PGBD5: variants seen among roughly 807,000 people sequenced by gnomAD.
The protein encoded by PGBD5 is piggyBac transposable element-derived protein 5.
PGBD5 carries 14 observed loss-of-function variants against 47.9 expected under a neutral mutation model. That is an observed-to-expected ratio of 0.29 (90% confidence interval 0.19 to 0.46). PGBD5 has a LOEUF of 0.46. Ranked by LOEUF, PGBD5 falls within the 20% of genes least tolerant of loss-of-function variation. The probability of loss-of-function intolerance (pLI) is 1.00; values close to 1 mark genes in which losing one functional copy is unlikely to be tolerated. For synonymous variants in PGBD5, 316 were observed against 306.3 expected, an observed-to-expected ratio of 1.03 and a Z score of -0.33; for missense variants, 635 against 716.0, an observed-to-expected ratio of 0.89 and a Z score of 1.29.
At chr1:230,332,747 G>A in intron 5 of PGBD5, 97 bp downstream of exon 5, 5 of 1,410,110 alleles carry the variant, frequency 3.5e-6, no homozygotes, top group Non-Finnish European at 4.0e-6. Flanking sequence ...GAGCAGCACA[G>A]CCCACAGTGG....
intron 5 of PGBD5, among the ~76,000 whole-genome samples, chr1:230,326,513 C>T (rs1326634122): frequency 1.3e-5 from 2 of 152,158 alleles, no homozygotes; most frequent in African/African-American, 4.8e-5. Context: ...GGCTGAAGTG[C>T]AGTGTCATGA....
chr1:230,333,053 G>A lies in PGBD5; in HGVS notation c.1076-12C>T, dbSNP rs761627330. Reference sequence around the variant, plus strand: ...GCAGCAGTAAATCCCTGAGGGGAGAGGGAGGAAGGATCGCACACTCACCAC... The same window carrying A: ...GCAGCAGTAAATCCCTGAGGGGAGAAGGAGGAAGGATCGCACACTCACCAC... On this transcript the variant is annotated splice_polypyrimidine_tract_variant and intron_variant, in intron 4 of 6. Transcript: ENST00000391860. 5.1e-6 allele frequency: 8 copies of A among 1,580,122 alleles called. No individual in the cohort carries two copies. In the East Asian group the frequency reaches 1.4e-4, roughly 28 times the overall value.
rs944696191 is a variant in PGBD5 at position 230,425,162 on chromosome 1, T to G, written c.331+436A>C. On this transcript the variant is annotated intron_variant, in intron 1 of 6. Transcript: ENST00000391860. This position sits in a 1 kb window ranked among gnomAD's most constrained non-coding sequence, Gnocchi z 4.7. ...TCCTACCTGCCTCGCCCGCGTCACC[T>G]GCTGTAAGGCTTGCTCTTGGGCTGT... Among the ~76,000 whole-genome samples the G allele has an allele frequency of 6.6e-6, 1 of 151,952 alleles. No individual in the cohort carries two copies. Among genetic ancestry groups the G allele is most frequent in the East Asian group, 1.9e-4 (1 of 5,160 alleles).
chr1:230,365,081 A>C (rs1178142778), intron 1 of PGBD5, among the ~76,000 whole-genome samples: 4 of 151,232 alleles, frequency 2.6e-5, no homozygotes, highest in African/African-American at 9.7e-5. Context: ...TGGGAGGCCA[A>C]GGTGGGTGGA....
chr1:230,398,651 G>C (rs558166330), intron 1 of PGBD5, among the ~76,000 whole-genome samples: 1 of 152,260 alleles, frequency 6.6e-6, no homozygotes, highest in East Asian at 1.9e-4. Flanking sequence ...CTTGGGCAAG[G>C]CCCTCTCCCC....
intron 3 of PGBD5, among the ~76,000 whole-genome samples, chr1:230,347,476 CTTTT>C (rs71733326): frequency 8.8e-6 from 1 of 113,454 alleles, no homozygotes; most frequent in African/African-American, 3.3e-5. Context: ...ATTTTCTTTT[CTTTT>C]TTTTTTTTTT....
Position 230,332,957 on chromosome 1 carries a change from G to C in PGBD5, c.1160C>G (p.Pro387Arg). Residue 387 changes from proline (P) to arginine (R), a missense_variant, in exon 5 of 7, where the codon CCC becomes CGC. By Grantham distance (103) the Pro-to-Arg change is moderately radical. Coordinates refer to ENST00000391860, the MANE Select transcript of PGBD5 (RefSeq NM_001258311.2). ...PLSMLTNPAT[P>R]PARGQYQIKM... ...GATTTGGTACTGGCCCCGGGCCGGG[G>C]GTGTGGCTGGGTTGGTCAGCATGGA... The C allele has an allele frequency of 6.2e-7, 1 of 1,614,124 alleles. No individual in the cohort carries two copies. The highest frequency in any genetic ancestry group is 8.5e-7 in the Non-Finnish European group (1 of 1,179,974).
At chr1:230,344,153 C>T (rs906590102) in intron 3 of PGBD5, among the ~76,000 whole-genome samples, 1 of 152,062 alleles carries the variant, frequency 6.6e-6, no homozygotes, top group South Asian at 2.1e-4. Flanking sequence ...GGCGTGGTGG[C>T]GGGCACCTGT....
intron 1 of PGBD5, among the ~76,000 whole-genome samples, chr1:230,407,411 T>A (rs773147558): frequency 6.6e-6 from 1 of 152,172 alleles, no homozygotes; most frequent in Non-Finnish European, 1.5e-5. Flanking sequence ...CTGGAAACCA[T>A]ATTACGGAAA....
At position 230,426,058 on chromosome 1, in the gene PGBD5, C is replaced by A; in HGVS notation, c.-130G>T. 3.0e-6 allele frequency: 1 copy of A among 328,300 alleles called. No homozygotes were observed. Among genetic ancestry groups the A allele is most frequent in the Non-Finnish European group, 4.3e-6 (1 of 232,994 alleles). 20.3% of individuals were successfully genotyped at this position (328,300 alleles called of 1,614,324 possible). On this transcript the variant is annotated 5_prime_UTR_variant, in exon 1 of 7. Coordinates refer to ENST00000391860, the MANE Select transcript of PGBD5 (RefSeq NM_001258311.2). Reference sequence around the variant, plus strand: ...GCAGCACAGCGCCCGCCGCCCCGTGCCCGGCCGGCCCGCCGTCTTGGCCGC... The same window carrying A: ...GCAGCACAGCGCCCGCCGCCCCGTGACCGGCCGGCCCGCCGTCTTGGCCGC...
chr1:230,367,012 G>A (rs1472583893), intron 1 of PGBD5, among the ~76,000 whole-genome samples: 2 of 152,054 alleles, frequency 1.3e-5, no homozygotes, highest in East Asian at 3.9e-4. Context: ...GAGGAGGAAG[G>A]TGGGGGTGAG....
At chr1:230,417,373 C>A (rs189208046) in intron 1 of PGBD5, among the ~76,000 whole-genome samples, 2 of 152,176 alleles carry the variant, frequency 1.3e-5, no homozygotes, top group Non-Finnish European at 2.9e-5. Context: ...CCTGTGGGAT[C>A]CAGGGTTTGC....
chr1:230,339,219 G>C (rs1215017383), intron 3 of PGBD5, among the ~76,000 whole-genome samples: 2 of 152,166 alleles, frequency 1.3e-5, no homozygotes, highest in Non-Finnish European at 2.9e-5. Flanking sequence ...TAAACCAGCG[G>C]AGTGAAGATG....
intron 1 of PGBD5, among the ~76,000 whole-genome samples, chr1:230,417,696 A>G (rs749041481): frequency 1.3e-5 from 2 of 152,146 alleles, no homozygotes; most frequent in Non-Finnish European, 2.9e-5. Context: ...CAGCTGGAGG[A>G]AGTGAGGCAC....
chr1:230,406,762 A>G (rs927732706), intron 1 of PGBD5, among the ~76,000 whole-genome samples: 1 of 152,250 alleles, frequency 6.6e-6, no homozygotes, highest in Non-Finnish European at 1.5e-5. Context: ...TCATCTGGTG[A>G]TGATGAGTTA....
intron 1 of PGBD5, among the ~76,000 whole-genome samples, chr1:230,380,348 A>C (rs1387915869): frequency 6.6e-6 from 1 of 152,248 alleles, no homozygotes; most frequent in Non-Finnish European, 1.5e-5. Context: ...ATGCCAGACC[A>C]GTGTCACTGG....
chr1:230,336,452 C>T (rs1390642606), intron 4 of PGBD5, among the ~76,000 whole-genome samples: 1 of 152,200 alleles, frequency 6.6e-6, no homozygotes, highest in Non-Finnish European at 1.5e-5. Context: ...TGCAGGGGAG[C>T]AGGCACTTTT....
At chr1:230,393,858 G>A (rs989821636) in intron 1 of PGBD5, among the ~76,000 whole-genome samples, 1 of 150,920 alleles carries the variant, frequency 6.6e-6, no homozygotes, top group Non-Finnish European at 1.5e-5. Context: ...TAGGCCCGGG[G>A]CCCGCCAGTC....
At chr1:230,327,807 C>T (rs901700877) in intron 5 of PGBD5, among the ~76,000 whole-genome samples, 7 of 152,360 alleles carry the variant, frequency 4.6e-5, no homozygotes, top group Non-Finnish European at 2.9e-5. Flanking sequence ...GTCCCCGGCC[C>T]CTTATCTCAG....
Sources: allele counts gnomAD v4.1 joint callset (sites outside exome capture counted in the v4.1 genomes callset), GRCh38; gene constraint gnomAD v4.1.1; non-coding constraint Gnocchi (gnomAD v3.1); transcripts MANE v1.5; gene names NCBI Gene and HGNC (gene_info 2026-07-23, HGNC 2026-07-21).